The following GABRR3 variants were observed in gnomAD, a reference collection of about 807,000 sequenced individuals.
GABRR3 encodes gamma-aminobutyric acid receptor subunit rho-3.
Under a neutral mutation model 43.2 loss-of-function variants are expected in GABRR3, and 29 were observed. The observed-to-expected ratio is 0.67, with a 90% CI of 0.50 to 0.92. GABRR3 has a LOEUF of 0.92. Among genes scored for constraint, GABRR3 ranks in the 40% least tolerant of loss-of-function variants. GABRR3 has a pLI of 0.00. For synonymous variants in GABRR3, 206 were observed against 195.9 expected (o/e 1.05, Z -0.43); for missense variants, 576 against 572.3 (o/e 1.01, Z -0.07).
chr3:97,986,828 G>T, exon 10 of GABRR3: 1 of 1,612,792 alleles, frequency 6.2e-7, no homozygotes, highest in Non-Finnish European at 8.5e-7. Context: ...CTTTATCCGA[G>T]ATGAATCGGT....
intron 3 of GABRR3, among the ~76,000 whole-genome samples, chr3:98,025,011 G>T (rs832040): frequency 0.76 from 115,478 of 152,148 alleles, 44,440 homozygotes; most frequent in East Asian, 0.99. Flanking sequence ...AAGACCCAGT[G>T]TTCACATTGC....
At chr3:97,994,107 T>C (rs1467334594) in intron 8 of GABRR3, among the ~76,000 whole-genome samples, 2 of 152,248 alleles carry the variant, frequency 1.3e-5, no homozygotes, top group Non-Finnish European at 2.9e-5. Context: ...TCGCTAATGA[T>C]TTTTATAAGT....
chr3:97,987,780 TA>T (rs928058444), intron 9 of GABRR3, among the ~76,000 whole-genome samples: 2 of 152,152 alleles, frequency 1.3e-5, no homozygotes, highest in African/African-American at 4.8e-5. Context: ...AATTTATCAT[TA>T]TTTTTTATTT....
intron 4 of GABRR3, 98 bp downstream of exon 4, chr3:98,017,557 A>G: frequency 1.2e-6 from 1 of 827,310 alleles, no homozygotes; most frequent in Non-Finnish European, 2.0e-6. Context: ...CATAAATAAC[A>G]TACATAATTA....
chr3:98,027,898 T>C (rs978509941), intron 2 of GABRR3, among the ~76,000 whole-genome samples: 20 of 152,150 alleles, frequency 1.3e-4, no homozygotes, highest in Admixed American at 1.1e-3. Context: ...CATTTAAAGA[T>C]ACCTGAACAA....
At chr3:98,005,603 A>G (rs1019582055) in intron 7 of GABRR3, among the ~76,000 whole-genome samples, 2 of 152,208 alleles carry the variant, frequency 1.3e-5, no homozygotes, top group Admixed American at 6.5e-5. Context: ...CCAGAAAAAG[A>G]TATAAATCAG....
intron 7 of GABRR3, among the ~76,000 whole-genome samples, chr3:98,002,726 T>G (rs945794375): frequency 5.3e-5 from 8 of 152,226 alleles, no homozygotes; most frequent in Non-Finnish European, 1.2e-4. Flanking sequence ...AGCAAGATTT[T>G]TTTTCTATGA....
chr3:98,018,569 G>C (rs1196860060), intron 3 of GABRR3, among the ~76,000 whole-genome samples: 1 of 152,062 alleles, frequency 6.6e-6, no homozygotes, highest in African/African-American at 2.4e-5. Flanking sequence ...ACCACTTCCA[G>C]TGTGAGTCGA....
chr3:98,005,425 C>A (rs1364363369), intron 7 of GABRR3, among the ~76,000 whole-genome samples: 1 of 152,060 alleles, frequency 6.6e-6, no homozygotes, highest in East Asian at 1.9e-4. Flanking sequence ...GAACCTAATT[C>A]TAATTTTTTT....
chr3:97,995,296 C>T lies in GABRR3; in HGVS notation c.908-2248G>A, dbSNP rs376144236. Among the ~76,000 whole-genome samples the T allele has an allele frequency of 2.1e-4, 32 of 152,158 alleles. No individual in the cohort carries two copies. The Middle Eastern group carries it at 0.01, about 49-fold the overall frequency. ...CCAGCTAAAAAATTTTTAATGTCTTCTCTTATTGGTTTTTTAAGATATAAA... is the reference window on the plus strand; with the variant it reads ...CCAGCTAAAAAATTTTTAATGTCTTTTCTTATTGGTTTTTTAAGATATAAA... On this transcript the variant is annotated intron_variant, in intron 8 of 9. Transcript: ENST00000621172.
intron 2 of GABRR3, 113 bp downstream of exon 2, chr3:98,034,750 G>T: frequency 7.7e-7 from 1 of 1,290,364 alleles, no homozygotes; most frequent in Non-Finnish European, 1.1e-6. Flanking sequence ...GACAGACATG[G>T]TTACAAAGAT....
At chr3:98,002,518 G>A (rs963300610) in intron 7 of GABRR3, among the ~76,000 whole-genome samples, 4 of 152,090 alleles carry the variant, frequency 2.6e-5, no homozygotes, top group Non-Finnish European at 5.9e-5. Flanking sequence ...ACTTCTCTGA[G>A]CACCATTCTT....
chr3:98,005,622 G>A (rs1025602351), intron 7 of GABRR3, among the ~76,000 whole-genome samples: 3 of 152,104 alleles, frequency 2.0e-5, no homozygotes, highest in Non-Finnish European at 4.4e-5. Context: ...AGCTAGTGTT[G>A]TAGCTGCCTG....
In GABRR3 at chr3:98,001,634, A is replaced by T. The variant is rs187334163; in HGVS notation, c.888T>A (p.Val296=). 13 of 1,613,134 alleles carry T rather than the reference A, an allele frequency of 8.1e-6. No homozygotes were observed. In the East Asian group the frequency reaches 2.2e-4, roughly 28 times the overall value. ...ATTTACCCAGGGAAACTCTTGCAGG[A>T]ACAGCTCTTCGGTCAATCCAAAATG... The change falls in exon 8 of 10, where the codon GTT becomes GTA. Residue 296 remains valine, a synonymous_variant. Coordinates refer to ENST00000621172, the Ensembl canonical transcript of GABRR3.
At chr3:98,012,546 G>A (rs770483068) in exon 5 of GABRR3, 1 of 1,613,468 alleles carries the variant, frequency 6.2e-7, no homozygotes, top group South Asian at 1.1e-5. Context: ...TAATGCCTGA[G>A]ATAAAAAGTC....
chr3:98,009,021 A>G (rs769485222), exon 6 of GABRR3: 3 of 1,606,352 alleles, frequency 1.9e-6, no homozygotes, highest in Admixed American at 1.7e-5. Flanking sequence ...CATAAAGCAC[A>G]TGGCCGAAAC....
downstream of GABRR3, chr3:97,986,637 T>C: frequency 7.6e-7 from 1 of 1,321,362 alleles, no homozygotes. Flanking sequence ...AGTTTTGTTT[T>C]TAAACATCAT....
intron 2 of GABRR3, among the ~76,000 whole-genome samples, chr3:98,029,849 C>G (rs192187873): frequency 6.6e-6 from 1 of 152,156 alleles, no homozygotes; most frequent in African/African-American, 2.4e-5. Flanking sequence ...GGTGCGATGG[C>G]TCACACCTGT....
At chr3:98,010,101 A>G (rs1238336278) in intron 5 of GABRR3, among the ~76,000 whole-genome samples, 1 of 152,200 alleles carries the variant, frequency 6.6e-6, no homozygotes, top group Non-Finnish European at 1.5e-5. Context: ...CCTGTGTTAG[A>G]GGATCTCCAA....
Sources: gnomAD v4.1 joint callset for allele counts (sites outside exome capture counted in the v4.1 genomes callset) on GRCh38, gnomAD v4.1.1 for gene constraint, MANE v1.5 for transcripts, NCBI Gene and HGNC (gene_info 2026-07-23, HGNC 2026-07-21) for gene names.